Variants in NUMB observed in about 807,000 individuals in gnomAD.
NUMB encodes the protein protein numb homolog.
A neutral mutation model predicts 59.7 loss-of-function variants in NUMB; 29 were observed. The ratio of observed to expected loss-of-function variants is 0.49; its 90% CI spans 0.36 to 0.66. The LOEUF is 0.66. NUMB is among the 30% of genes least tolerant of loss of function. The pLI is 0.00. For missense variants in NUMB, 723 were observed against 822.0 expected, an observed-to-expected ratio of 0.88 and a Z score of 1.47; for synonymous variants, 288 against 288.2, an observed-to-expected ratio of 1.00 and a Z score of 0.01.
rs146703192 is a variant in NUMB at position 73,334,732 on chromosome 14, G to A, written c.127-11528C>T. 6.8e-3 allele frequency among the ~76,000 whole-genome samples: 1,037 copies of A among 152,128 alleles called. 5 individuals carry two copies. Among genetic ancestry groups the A allele is most frequent in the South Asian group, 0.03 (144 of 4,816 alleles). ...GGGAGGCCAAGGTGGATCACCTGAA[G>A]TCAGGAGTTCGAGACCAACCTGGCC... On this transcript the variant is annotated intron_variant, in intron 4 of 12. Transcript: ENST00000555238.
intron 1 of NUMB, among the ~76,000 whole-genome samples, chr14:73,431,480 C>T (rs1897827470): frequency 6.6e-6 from 1 of 151,174 alleles, no homozygotes; most frequent in South Asian, 2.1e-4. Context: ...GGCATGGTGG[C>T]TCATGCCTGT....
intron 12 of NUMB, among the ~76,000 whole-genome samples, chr14:73,278,745 T>TTTC (rs201063200): frequency 4.5e-4 from 48 of 107,432 alleles, no homozygotes; most frequent in African/African-American, 4.6e-4. Flanking sequence ...TTTTTTTTTT[T>TTTC]GAGACAGAGT....
chr14:73,279,543 G>A (rs1888465135), intron 11 of NUMB, 119 bp from the exon 12 acceptor site: 2 of 935,556 alleles, frequency 2.1e-6, no homozygotes, highest in South Asian at 2.2e-5. Context: ...AGAGAGAAGA[G>A]TTGATGTTTG....
At chr14:73,401,811 C>T (rs141841990) in intron 2 of NUMB, among the ~76,000 whole-genome samples, 211 of 152,064 alleles carry the variant, frequency 1.4e-3, no homozygotes, top group African/African-American at 4.4e-3. Context: ...CCTTGTGATC[C>T]GCCCACCTCG....
chr14:73,405,829 T>C (rs1388275291), intron 2 of NUMB, among the ~76,000 whole-genome samples: 2 of 152,132 alleles, frequency 1.3e-5, no homozygotes, highest in Non-Finnish European at 2.9e-5. Context: ...AGTGACCCCA[T>C]AATGTTGTTT....
intron 6 of NUMB, among the ~76,000 whole-genome samples, chr14:73,302,088 TA>T (rs1057020216): frequency 2.0e-5 from 3 of 150,466 alleles, no homozygotes; most frequent in Non-Finnish European, 3.0e-5. Flanking sequence ...ATCTCAAAAA[TA>T]AAAAAAAATA....
chr14:73,443,701 A>C (rs1250468875), intron 1 of NUMB, among the ~76,000 whole-genome samples: 1 of 150,412 alleles, frequency 6.6e-6, no homozygotes, highest in Non-Finnish European at 1.5e-5. Flanking sequence ...CCCAGGCTGG[A>C]GTGCAGTAGC....
intron 1 of NUMB, among the ~76,000 whole-genome samples, chr14:73,412,517 C>T (rs1343368243): frequency 6.6e-6 from 1 of 151,284 alleles, no homozygotes; most frequent in Non-Finnish European, 1.5e-5. Context: ...ATCCCAGCTA[C>T]TCGGGAGGCT....
At chr14:73,282,651 A>G in intron 10 of NUMB, 146 bp from the exon 11 acceptor site, 1 of 841,794 alleles carries the variant, frequency 1.2e-6, no homozygotes, top group South Asian at 2.4e-5. Flanking sequence ...CTACAAAACC[A>G]GTTTCAAAAA....
chr14:73,349,730 T>C (rs1314647576), intron 4 of NUMB, among the ~76,000 whole-genome samples: 1 of 151,540 alleles, frequency 6.6e-6, no homozygotes, highest in African/African-American at 2.4e-5. Context: ...ATACAAAAAA[T>C]TAGCCAGGCG....
chr14:73,327,895 T>C (rs1183925948), intron 4 of NUMB, among the ~76,000 whole-genome samples: 1 of 152,118 alleles, frequency 6.6e-6, no homozygotes, highest in Non-Finnish European at 1.5e-5. Context: ...AATCAACTCC[T>C]CCGCCTGCCC....
chr14:73,313,649 T>C (rs1262218460), intron 6 of NUMB, among the ~76,000 whole-genome samples: 2 of 119,310 alleles, frequency 1.7e-5, no homozygotes, highest in East Asian at 5.2e-4. Context: ...ATTATATATA[T>C]GCAAATATTC....
intron 2 of NUMB, among the ~76,000 whole-genome samples, chr14:73,404,330 T>C (rs1896558411): frequency 6.6e-6 from 1 of 151,910 alleles, no homozygotes; most frequent in South Asian, 2.1e-4. Flanking sequence ...AAGACTCTTG[T>C]TGAAAAAAAT....
At chr14:73,336,711 A>G (rs963187252) in intron 4 of NUMB, among the ~76,000 whole-genome samples, 13 of 152,210 alleles carry the variant, frequency 8.5e-5, no homozygotes, top group African/African-American at 2.7e-4. Context: ...ACAAAATTTC[A>G]CAAGGGCATT....
At chr14:73,437,463 C>CA (rs1029148698) in intron 1 of NUMB, among the ~76,000 whole-genome samples, 15 of 152,276 alleles carry the variant, frequency 9.9e-5, no homozygotes, top group African/African-American at 3.6e-4. Context: ...TAGGGAGATA[C>CA]AACCTGGATC....
chr14:73,421,341 C>A (rs544886124), intron 1 of NUMB, among the ~76,000 whole-genome samples: 3 of 151,898 alleles, frequency 2.0e-5, no homozygotes, highest in Non-Finnish European at 2.9e-5. Flanking sequence ...TGCACCACTG[C>A]GCCCAGCTAA....
chr14:73,406,844 G>A (rs1566783561), intron 2 of NUMB, among the ~76,000 whole-genome samples: 1 of 152,150 alleles, frequency 6.6e-6, no homozygotes, highest in African/African-American at 2.4e-5. Flanking sequence ...CTGATGGCCA[G>A]TGATGATGAG....
rs1477092477 is a variant in NUMB, at chr14:73,292,774, C to T, written c.410G>A (p.Arg137His). 8 of 1,614,056 alleles carry T rather than the reference C, an allele frequency of 5.0e-6. No individual in the cohort carries two copies. Among genetic ancestry groups the T allele is most frequent in the East Asian group, 2.2e-5 (1 of 44,898 alleles). ...CATGAAGCAGTGACAGATCCAGCGACGAGTGGTGCCATCACGGCATATGTA... is the reference window on the plus strand; with the variant it reads ...CATGAAGCAGTGACAGATCCAGCGATGAGTGGTGCCATCACGGCATATGTA... ...FSYICRDGTT[R>H]RWICHCFMAV... is the part of the protein sequence containing the mutation. Residue 137 changes from arginine (R) to histidine (H), a missense_variant, in exon 8 of 13, where the codon CGT becomes CAT. Around this residue, in one of 2 missense-constraint regions of NUMB, gnomAD observed 317 missense variants for 436.6 expected, o/e 0.73. Transcript: ENST00000555238.
At chr14:73,337,733 G>GA (rs748493754) in intron 4 of NUMB, among the ~76,000 whole-genome samples, 57 of 152,196 alleles carry the variant, frequency 3.7e-4, no homozygotes, top group Admixed American at 2.0e-4. Context: ...TGTGTTAGTA[G>GA]AGAAAACAAA....
Sources: gnomAD v4.1 joint callset for allele counts (sites outside exome capture counted in the v4.1 genomes callset) on GRCh38, gnomAD v4.1.1 for gene constraint, gnomAD v4.1.1 regional missense constraint, MANE v1.5 for transcripts, NCBI Gene and HGNC (gene_info 2026-07-23, HGNC 2026-07-21) for gene names.